The following TTC27 variants were observed in gnomAD, a reference collection of about 807,000 sequenced individuals.
TTC27 encodes the protein tetratricopeptide repeat protein 27.
A neutral mutation model predicts 115.9 loss-of-function variants in TTC27; 79 were observed. The ratio of observed to expected loss-of-function variants is 0.68; its 90% CI spans 0.57 to 0.82. The LOEUF (loss-of-function observed/expected upper bound fraction) is 0.82, where lower values mean the gene tolerates loss of function less well. Ranked by LOEUF, TTC27 falls within the 40% of genes least tolerant of loss-of-function variation. TTC27 has a pLI of 0.00. For synonymous variants in TTC27, 401 were observed against 356.0 expected, an observed-to-expected ratio of 1.13 and a Z score of -1.42; for missense variants, 1,054 against 993.1, an observed-to-expected ratio of 1.06 and a Z score of -0.82.
intron 16 of TTC27, among the ~76,000 whole-genome samples, chr2:32,810,153 T>A (rs904616159): frequency 1.3e-5 from 2 of 151,358 alleles, no homozygotes; most frequent in African/African-American, 4.9e-5. Flanking sequence ...CTGAGGTAGT[T>A]GGAAAGAGAA....
intron 12 of TTC27, among the ~76,000 whole-genome samples, chr2:32,750,393 T>A (rs1471588275): frequency 6.6e-6 from 1 of 152,192 alleles, no homozygotes; most frequent in African/African-American, 2.4e-5. Context: ...ATGACAACTT[T>A]CCAAGAGTAA....
intron 16 of TTC27, among the ~76,000 whole-genome samples, chr2:32,797,030 T>C (rs756560813): frequency 1.3e-5 from 2 of 151,750 alleles, no homozygotes; most frequent in Non-Finnish European, 2.9e-5. Context: ...AAAAATTAGC[T>C]GGGCATGGTG....
At chr2:32,743,004 A>G (rs1431827778) in intron 12 of TTC27, among the ~76,000 whole-genome samples, 3 of 152,044 alleles carry the variant, frequency 2.0e-5, no homozygotes, top group Non-Finnish European at 4.4e-5. Flanking sequence ...CTTGGAGCAA[A>G]CCTGTATTTA....
At chr2:32,727,907 C>A (rs551885330) in intron 10 of TTC27, among the ~76,000 whole-genome samples, 2 of 151,912 alleles carry the variant, frequency 1.3e-5, no homozygotes, top group Non-Finnish European at 2.9e-5. Flanking sequence ...AGAAAAGCTT[C>A]GAGTCCCTTA....
chr2:32,786,895 C>T, intron 15 of TTC27, 89 bp from the exon 16 acceptor site: 3 of 1,151,882 alleles, frequency 2.6e-6, no homozygotes, highest in Non-Finnish European at 2.4e-6. Flanking sequence ...GACGGACAGT[C>T]CACATTAGTA....
intron 10 of TTC27, among the ~76,000 whole-genome samples, chr2:32,712,012 A>G (rs528630236): frequency 6.6e-6 from 1 of 152,232 alleles, no homozygotes; most frequent in African/African-American, 2.4e-5. Flanking sequence ...ATCTTGTTCT[A>G]TTATGTGTTG....
At chr2:32,678,395 G>GTATT (rs773344856) in intron 8 of TTC27, among the ~76,000 whole-genome samples, 26 of 151,320 alleles carry the variant, frequency 1.7e-4, no homozygotes, top group Non-Finnish European at 2.9e-5. Flanking sequence ...TAATGCCATA[G>GTATT]TATTTATTTA....
Position 32,733,814 on chromosome 2 carries a change from A to G in TTC27, c.1234-14A>G, listed in dbSNP as rs757297080. 16 of 1,563,344 alleles carry G rather than the reference A, an allele frequency of 1.0e-5. No homozygotes were observed. The highest frequency in any genetic ancestry group is 6.9e-5 in the Admixed American group (4 of 57,702). Reference sequence around the variant, plus strand: ...TATACATATAGATTCTGATTGTGATATATGTCCTTTAAGGCTCTTGCAGAC... The same window carrying G: ...TATACATATAGATTCTGATTGTGATGTATGTCCTTTAAGGCTCTTGCAGAC... On this transcript the variant is annotated splice_polypyrimidine_tract_variant and intron_variant, in intron 10 of 19. Transcript: ENST00000317907.
At chr2:32,804,645 C>T (rs1403284358) in intron 16 of TTC27, among the ~76,000 whole-genome samples, 1 of 151,802 alleles carries the variant, frequency 6.6e-6, no homozygotes, top group African/African-American at 2.4e-5. Flanking sequence ...ATAAAACTTA[C>T]ACATAATAAA....
chr2:32,672,433 C>T, intron 8 of TTC27, 49 bp downstream of exon 8: 1 of 1,360,246 alleles, frequency 7.4e-7, no homozygotes, highest in Non-Finnish European at 1.0e-6. Flanking sequence ...CATATTGATT[C>T]TCTTATGTGT....
chr2:32,779,386 TG>T (rs34355826), intron 14 of TTC27, among the ~76,000 whole-genome samples: 5,895 of 152,274 alleles, frequency 0.039, 273 homozygotes, highest in African/African-American at 0.11. Context: ...TTGCATGTTT[TG>T]GATGGCTAAT....
intron 9 of TTC27, among the ~76,000 whole-genome samples, chr2:32,693,504 G>C (rs1572521083): frequency 6.6e-6 from 1 of 152,120 alleles, no homozygotes; most frequent in African/African-American, 2.4e-5. Context: ...TTGACACAAG[G>C]AAATATAAAT....
chr2:32,764,244 A>C lies in TTC27; in HGVS notation c.1680+5725A>C, dbSNP rs1018174986. 9.8e-5 allele frequency among the ~76,000 whole-genome samples: 15 copies of C among 152,336 alleles called. 1 individual carries two copies. The highest frequency in any genetic ancestry group is 3.4e-4 in the African/African-American group (14 of 41,586). ...TACTGTGAACAGTATATGTACAAGC[A>C]TACCACAGAGATACTGTAGATTCAG... On this transcript the variant is annotated intron_variant, in intron 13 of 19. Coordinates refer to ENST00000317907, the MANE Select transcript of TTC27 (RefSeq NM_017735.5).
chr2:32,718,258 T>G (rs1334519726), intron 10 of TTC27, among the ~76,000 whole-genome samples: 2 of 152,192 alleles, frequency 1.3e-5, no homozygotes, highest in Non-Finnish European at 2.9e-5. Context: ...ACCTCCCAGA[T>G]CTATCTTCTG....
chr2:32,760,591 G>C (rs1196161623), intron 13 of TTC27, among the ~76,000 whole-genome samples: 1 of 152,128 alleles, frequency 6.6e-6, no homozygotes, highest in East Asian at 1.9e-4. Context: ...TGGCGGCGGG[G>C]AGGGGTTGGT....
intron 10 of TTC27, among the ~76,000 whole-genome samples, chr2:32,709,631 G>A (rs966230362): frequency 3.3e-5 from 5 of 152,148 alleles, no homozygotes; most frequent in African/African-American, 1.2e-4. Context: ...TCCTTGGGCT[G>A]AAATGGCTGG....
rs755564791 is a variant in TTC27, at chr2:32,702,857, C to T, written c.1170C>T (p.Ile390=). 25 of 1,613,954 alleles carry T rather than the reference C, an allele frequency of 1.5e-5. No homozygotes were observed. The South Asian group carries it at 2.5e-4, about 16-fold the overall frequency. Residue 390 remains isoleucine (I), a synonymous_variant, in exon 10 of 20, where the codon ATC becomes ATT. Coordinates refer to ENST00000317907, the MANE Select transcript of TTC27 (RefSeq NM_017735.5). ...GGGCCATTCAGACATCAGCCTTGAT[C>T]CTCCGGACAAAACTTGAGAAAGGAA... ...KFWAIQTSAL[I]LRTKLEKGST... is the part of the protein sequence containing the mutation.
chr2:32,777,146 A>G (rs567003797), intron 13 of TTC27, among the ~76,000 whole-genome samples: 3 of 152,370 alleles, frequency 2.0e-5, no homozygotes, highest in African/African-American at 7.2e-5. Context: ...TGCCTAAAGC[A>G]GATATATGCT....
chr2:32,762,713 C>G (rs546528994), intron 13 of TTC27, among the ~76,000 whole-genome samples: 18 of 152,130 alleles, frequency 1.2e-4, no homozygotes, highest in African/African-American at 4.3e-4. Context: ...AGCTTCTCAG[C>G]TCACTGCAAT....
Sources: allele counts gnomAD v4.1 joint callset (sites outside exome capture counted in the v4.1 genomes callset), GRCh38; gene constraint gnomAD v4.1.1; transcripts MANE v1.5; gene names NCBI Gene and HGNC (gene_info 2026-07-23, HGNC 2026-07-21).